COL4A2: variants seen among roughly 807,000 people sequenced by gnomAD.
COL4A2 encodes the protein collagen type IV alpha 2 chain, also known as collagen alpha-2(IV) chain.
Under a neutral mutation model 200.2 loss-of-function variants are expected in COL4A2, and 99 were observed. That is an observed-to-expected ratio of 0.49 (90% CI 0.42 to 0.58). The LOEUF (loss-of-function observed/expected upper bound fraction) is 0.58, where lower values mean the gene tolerates loss of function less well. Ranked by LOEUF, COL4A2 falls within the 20% of genes least tolerant of loss-of-function variation. The probability of loss-of-function intolerance (pLI) is 0.00; values close to 1 mark genes in which losing one functional copy is unlikely to be tolerated. For synonymous variants in COL4A2, 897 were observed against 900.6 expected, an observed-to-expected ratio of 1.00 and a Z score of 0.07; for missense variants, 1,950 against 2,314.1, an observed-to-expected ratio of 0.84 and a Z score of 3.23.
chr13:110,368,611 T>C (rs1877856301), intron 4 of COL4A2, among the ~76,000 whole-genome samples: 1 of 152,088 alleles, frequency 6.6e-6, no homozygotes, highest in Non-Finnish European at 1.5e-5. Flanking sequence ...CATGAGTTTG[T>C]TTTCACTTTA....
intron 4 of COL4A2, among the ~76,000 whole-genome samples, chr13:110,370,575 T>G (rs1035179259): frequency 2.0e-5 from 3 of 152,190 alleles, no homozygotes; most frequent in African/African-American, 4.8e-5. Context: ...TTGTTGTTGT[T>G]GTGTTGTTGT....
chr13:110,396,890 G>A (rs1879200144), intron 4 of COL4A2, among the ~76,000 whole-genome samples: 1 of 152,218 alleles, frequency 6.6e-6, no homozygotes, highest in Admixed American at 6.5e-5. Context: ...TATGCATAGA[G>A]AGATTTCAGA....
chr13:110,483,786 C>T (rs1303580934), intron 32 of COL4A2, among the ~76,000 whole-genome samples: 1 of 149,404 alleles, frequency 6.7e-6, no homozygotes, highest in East Asian at 1.9e-4. Context: ...GCATGGCTGC[C>T]AGCGGCTCCA....
At chr13:110,492,209 A>G in intron 38 of COL4A2, 32 bp downstream of exon 38, 1 of 1,542,096 alleles carries the variant, frequency 6.5e-7, no homozygotes, top group South Asian at 1.2e-5. Context: ...GGTCACCCAG[A>G]CCCAGAGTCG....
At chr13:110,429,796 T>G in intron 7 of COL4A2, 89 bp from the exon 8 acceptor site, 2 of 1,315,710 alleles carry the variant, frequency 1.5e-6, no homozygotes, top group Non-Finnish European at 2.2e-6. Context: ...CAAAAGTCAA[T>G]GTTCAGTCAT....
chr13:110,396,241 T>C (rs1879175885), intron 4 of COL4A2, among the ~76,000 whole-genome samples: 1 of 152,264 alleles, frequency 6.6e-6, no homozygotes, highest in South Asian at 2.1e-4. Flanking sequence ...CCTTCCATTA[T>C]TCTTTTAAAT....
At chr13:110,499,584 A>ACC (rs1241326248) in intron 40 of COL4A2, among the ~76,000 whole-genome samples, 1 of 152,184 alleles carries the variant, frequency 6.6e-6, no homozygotes, top group African/African-American at 2.4e-5. Flanking sequence ...AGAGTCTGCA[A>ACC]CCTCACCTAT....
intron 4 of COL4A2, among the ~76,000 whole-genome samples, chr13:110,385,194 G>A (rs1422080518): frequency 6.6e-6 from 1 of 152,052 alleles, no homozygotes; most frequent in Non-Finnish European, 1.5e-5. Context: ...TCCGGGAGGT[G>A]GAGCTTGCAG....
At position 110,457,673 on chromosome 13, in the gene COL4A2, C is replaced by T. The variant is rs9588172; in HGVS notation, c.1432+238C>T. On this transcript the variant is annotated intron_variant, in intron 21 of 47. Coordinates refer to ENST00000360467, the MANE Select transcript of COL4A2 (RefSeq NM_001846.4). ...GTCCCTGCTCTCCATCTGCCATCCT[C>T]GTCACTGACCTTCCTAGCAGCAGTG... is the stretch of plus-strand genomic sequence containing the variant. The T allele has an allele frequency of 6.4e-3, 4,191 of 651,980 alleles. 93 individuals carry two copies. The highest frequency in any genetic ancestry group is 0.056 in the African/African-American group (3,113 of 55,982). The allele number at this position is 651,980 out of a possible 1,614,324, so 40.4% of individuals were successfully genotyped here. A position where few individuals can be genotyped will look rare whatever the true frequency, so the allele number is the denominator to read the frequency against.
chr13:110,466,172 G>A lies in COL4A2; in HGVS notation c.2038+110G>A, dbSNP rs201588110. The A allele has an allele frequency of 9.9e-6, 13 of 1,308,682 alleles. No homozygotes were observed. In the East Asian group the frequency reaches 2.9e-4, roughly 30 times the overall value. The allele number at this position is 1,308,682 out of a possible 1,614,324, so 81.1% of individuals were successfully genotyped here. ...TAAGAAATATTAATAATATGTGCAAGCCACGTTTGATTTCCATGGCACAAC... is the reference window on the plus strand; with the variant it reads ...TAAGAAATATTAATAATATGTGCAAACCACGTTTGATTTCCATGGCACAAC... On this transcript the variant is annotated intron_variant, in intron 26 of 47. Transcript: ENST00000360467.
At chr13:110,403,349 A>G (rs1487581596) in intron 4 of COL4A2, among the ~76,000 whole-genome samples, 1 of 152,192 alleles carries the variant, frequency 6.6e-6, no homozygotes, top group African/African-American at 2.4e-5. Flanking sequence ...CCACACCTTC[A>G]CTTTGCTTAG....
At chr13:110,485,630 G>A in intron 33 of COL4A2, 25 bp from the exon 34 acceptor site, 2 of 1,572,416 alleles carry the variant, frequency 1.3e-6, no homozygotes, top group Non-Finnish European at 1.7e-6. Flanking sequence ...TCACCAGAGT[G>A]TTACACACCA....
At chr13:110,511,178 C>T (rs1452671022) in intron 47 of COL4A2, among the ~76,000 whole-genome samples, 2 of 151,218 alleles carry the variant, frequency 1.3e-5, no homozygotes, top group East Asian at 3.9e-4. Context: ...GGAGGCCTGC[C>T]GTGCGCTTCC....
In COL4A2 at chr13:110,430,608, G is replaced by A; in HGVS notation, c.648+1G>A. On this transcript the variant is annotated splice_donor_variant, in intron 10 of 47. Transcript: ENST00000360467. LOFTEE classifies it high-confidence loss of function. ...TCCAGTTGGAGCTCCAGGGAGACCAGTAAGTACCTGGACACAGGTGCCCAC... is the reference window on the plus strand; with the variant it reads ...TCCAGTTGGAGCTCCAGGGAGACCAATAAGTACCTGGACACAGGTGCCCAC... 6.2e-7 allele frequency: 1 copy of A among 1,614,184 alleles called. No homozygotes were observed. The highest frequency in any genetic ancestry group is 8.5e-7 in the Non-Finnish European group (1 of 1,180,006).
intron 10 of COL4A2, chr13:110,430,932 C>G: frequency 1.9e-6 from 1 of 532,292 alleles, no homozygotes; most frequent in Non-Finnish European, 3.6e-6. Context: ...CAAGGCAAAC[C>G]AAAGTCCCAC....
intron 29 of COL4A2, among the ~76,000 whole-genome samples, chr13:110,473,969 A>AAT (rs72519499): frequency 0.14 from 20,514 of 151,716 alleles, 1,489 homozygotes; most frequent in Middle Eastern, 0.21. Flanking sequence ...TACAAAAAAA[A>AAT]AATAATAATT....
intron 22 of COL4A2, among the ~76,000 whole-genome samples, chr13:110,460,150 A>C (rs1881968696): frequency 6.6e-6 from 1 of 152,240 alleles, no homozygotes; most frequent in African/African-American, 2.4e-5. Context: ...ACAGTTGGTC[A>C]GGACACTTGG....
At chr13:110,502,212 C>A (rs1883668385) in intron 41 of COL4A2, among the ~76,000 whole-genome samples, 1 of 152,254 alleles carries the variant, frequency 6.6e-6, no homozygotes, top group South Asian at 2.1e-4. Flanking sequence ...GCACTACTCA[C>A]AAGCACCGAG....
intron 6 of COL4A2, among the ~76,000 whole-genome samples, chr13:110,425,959 A>G (rs1880458140): frequency 6.6e-6 from 1 of 152,230 alleles, no homozygotes; most frequent in Non-Finnish European, 1.5e-5. Flanking sequence ...ACATTTGCCA[A>G]GACAAGAGCT....
Sources: allele counts gnomAD v4.1 joint callset (sites outside exome capture counted in the v4.1 genomes callset), GRCh38; gene constraint gnomAD v4.1.1; transcripts MANE v1.5; gene names NCBI Gene and HGNC (gene_info 2026-07-23, HGNC 2026-07-21).